EML6: variants seen among roughly 807,000 people sequenced by gnomAD.
EML6 encodes the protein echinoderm microtubule-associated protein-like 6.
A neutral mutation model predicts 240.1 loss-of-function variants in EML6; 154 were observed. That is an observed-to-expected ratio of 0.64 (90% CI 0.56 to 0.73). EML6 has a LOEUF of 0.73. Ranked by LOEUF, EML6 falls within the 30% of genes least tolerant of loss-of-function variation. The pLI, the probability that EML6 is intolerant of heterozygous loss-of-function variation, is 0.00. For synonymous variants in EML6, 1,148 were observed against 899.0 expected (o/e 1.28, Z -4.95); for missense variants, 2,964 against 2,474.6 (o/e 1.20, Z -4.20).
At chr2:54,757,322 CAGTGTTGATG>C (rs1667778357) in intron 2 of EML6, among the ~76,000 whole-genome samples, 1 of 152,078 alleles carries the variant, frequency 6.6e-6, no homozygotes, top group Non-Finnish European at 1.5e-5. Context: ...ATATGAGGGG[CAGTGTTGATG>C]AGTGGTTTCA....
intron 41 of EML6, among the ~76,000 whole-genome samples, chr2:54,969,301 C>T (rs1358293489): frequency 6.6e-6 from 1 of 152,128 alleles, no homozygotes. Flanking sequence ...TCTATTCAGC[C>T]CAAGCAAAAC....
chr2:54,949,051 A>T, intron 29 of EML6, 91 bp downstream of exon 29: 1 of 948,116 alleles, frequency 1.1e-6, no homozygotes, highest in Non-Finnish European at 1.7e-6. Flanking sequence ...GACACAGTCA[A>T]ATGAAACGGA....
At chr2:54,920,641 G>A (rs1369354509) in intron 26 of EML6, among the ~76,000 whole-genome samples, 2 of 151,956 alleles carry the variant, frequency 1.3e-5, no homozygotes, top group Non-Finnish European at 2.9e-5. Context: ...TGAAGGGGAG[G>A]GAACACTTTT....
chr2:54,962,807 A>G, intron 36 of EML6, 96 bp downstream of exon 36: 1 of 1,044,386 alleles, frequency 9.6e-7, no homozygotes. Context: ...CATGGCAGAG[A>G]CGGGGATGGG....
At chr2:54,934,880 T>C (rs1215717439) in intron 28 of EML6, among the ~76,000 whole-genome samples, 1 of 152,220 alleles carries the variant, frequency 6.6e-6, no homozygotes, top group Non-Finnish European at 1.5e-5. Flanking sequence ...CATCTCAAAC[T>C]GATACTTGAA....
intron 32 of EML6, among the ~76,000 whole-genome samples, chr2:54,955,910 C>G: frequency 6.6e-6 from 1 of 152,184 alleles, no homozygotes. Context: ...CATTTCAAGT[C>G]TTACTTACAG....
chr2:54,908,137 A>C (rs1673446048), intron 24 of EML6, among the ~76,000 whole-genome samples: 1 of 152,068 alleles, frequency 6.6e-6, no homozygotes, highest in African/African-American at 2.4e-5. Flanking sequence ...ATAGAAGAAT[A>C]GCTTTTTGGT....
chr2:54,818,347 C>G (rs2567975), intron 4 of EML6, among the ~76,000 whole-genome samples: 92,289 of 152,010 alleles, frequency 0.61, 28,307 homozygotes, highest in Middle Eastern at 0.72. Context: ...ACCTAGCTTG[C>G]TAAGTGACCA....
chr2:54,827,663 A>G lies in EML6; in HGVS notation c.623A>G (p.Glu208Gly). The G allele has an allele frequency of 6.4e-7, 1 of 1,551,680 alleles. No individual in the cohort carries two copies. Among genetic ancestry groups the G allele is most frequent in the Non-Finnish European group, 8.7e-7 (1 of 1,146,922 alleles). ...QTILCLACAKEDITYSGALNG... is the reference protein window; with the variant it reads ...QTILCLACAKGDITYSGALNG... ...ATCCTTTGCCTTGCATGTGCCAAAG[A>G]AGACATCACCTACTCTGGTGCTTTA... The change falls in exon 6 of 42, where the codon GAA (glutamate) becomes GGA (glycine). Residue 208 changes from glutamate to glycine, a missense_variant. Glu to Gly is a moderately conservative substitution (Grantham distance 98). Coordinates refer to ENST00000356458, the MANE Select transcript of EML6 (RefSeq NM_001039753.4).
At chr2:54,821,611 G>A (rs1441960695) in intron 5 of EML6, among the ~76,000 whole-genome samples, 1 of 151,894 alleles carries the variant, frequency 6.6e-6, no homozygotes, top group East Asian at 1.9e-4. Context: ...ATCATGAAGA[G>A]GATATATGTA....
chr2:54,932,447 G>A (rs894925414), intron 28 of EML6, among the ~76,000 whole-genome samples: 6 of 152,152 alleles, frequency 3.9e-5, no homozygotes, highest in South Asian at 2.1e-4. Context: ...CCGACTTGAC[G>A]CTAATTCTGG....
chr2:54,917,258 T>TGTG (rs1285072182), intron 26 of EML6, among the ~76,000 whole-genome samples: 5 of 152,152 alleles, frequency 3.3e-5, no homozygotes, highest in Non-Finnish European at 5.9e-5. Flanking sequence ...GATGAGGAAC[T>TGTG]TAATATCACA....
At chr2:54,949,859 T>C (rs562292323) in intron 29 of EML6, among the ~76,000 whole-genome samples, 4 of 152,342 alleles carry the variant, frequency 2.6e-5, no homozygotes, top group African/African-American at 9.6e-5. Flanking sequence ...GTGTTGTCAT[T>C]CCTTCTGCTT....
intron 24 of EML6, among the ~76,000 whole-genome samples, chr2:54,908,143 T>A (rs1450313164): frequency 6.6e-6 from 1 of 150,684 alleles, no homozygotes; most frequent in Non-Finnish European, 1.5e-5. Context: ...GAATAGCTTT[T>A]TGGTTTGGTT....
intron 2 of EML6, among the ~76,000 whole-genome samples, chr2:54,787,152 A>C (rs2103878675): frequency 6.6e-6 from 1 of 152,202 alleles, no homozygotes; most frequent in South Asian, 2.1e-4. Context: ...CGTTGGTGGG[A>C]GAGAAAGCGG....
intron 24 of EML6, among the ~76,000 whole-genome samples, chr2:54,904,055 T>A (rs1410830632): frequency 2.0e-5 from 3 of 152,136 alleles, no homozygotes; most frequent in Non-Finnish European, 4.4e-5. Context: ...AACTCTAGCT[T>A]TTATGGTGTT....
At chr2:54,907,946 AAGATAGATAGATAGATAGAT>A (rs11267419) in intron 24 of EML6, among the ~76,000 whole-genome samples, 27 of 38,040 alleles carry the variant, frequency 7.1e-4, no homozygotes, top group East Asian at 1.1e-3. Flanking sequence ...ATAGATAGAT[AAGATAGATAGATAGATAGAT>A]AGATAGATAG....
rs760062079 is a variant in EML6 at position 54,928,607 on chromosome 2, C to G, written c.3878-18C>G. ...ACTGCAAACCAACTGGCTCCCCAATCTCTTTCTGTTGTTTGAGGCTATGAC... is the reference window on the plus strand; with the variant it reads ...ACTGCAAACCAACTGGCTCCCCAATGTCTTTCTGTTGTTTGAGGCTATGAC... On this transcript the variant is annotated intron_variant, in intron 27 of 41. Coordinates refer to ENST00000356458, the MANE Select transcript of EML6 (RefSeq NM_001039753.4). The G allele has an allele frequency of 5.2e-6, 8 of 1,552,158 alleles. No individual in the cohort carries two copies. The South Asian group carries it at 8.3e-5, about 16-fold the overall frequency.
At chr2:54,793,099 C>G (rs1669547969) in intron 2 of EML6, among the ~76,000 whole-genome samples, 1 of 152,042 alleles carries the variant, frequency 6.6e-6, no homozygotes, top group Non-Finnish European at 1.5e-5. Context: ...GTAACTCCAT[C>G]TCTACAAAAT....
Sources: allele counts gnomAD v4.1 joint callset (sites outside exome capture counted in the v4.1 genomes callset), GRCh38; gene constraint gnomAD v4.1.1; transcripts MANE v1.5; gene names NCBI Gene and HGNC (gene_info 2026-07-23, HGNC 2026-07-21).